SYT9: variants seen among roughly 807,000 people sequenced by gnomAD.
The protein encoded by SYT9 is synaptotagmin-9.
Under a neutral mutation model 48.4 loss-of-function variants are expected in SYT9, and 22 were observed. The ratio of observed to expected loss-of-function variants is 0.45; its 90% CI spans 0.32 to 0.65. The LOEUF (loss-of-function observed/expected upper bound fraction) is 0.65. Among genes scored for constraint, SYT9 ranks in the 30% least tolerant of loss-of-function variants. The probability of loss-of-function intolerance (pLI) is 0.03; values close to 1 mark genes in which losing one functional copy is unlikely to be tolerated. For synonymous variants in SYT9, 265 were observed against 245.0 expected (o/e 1.08, Z -0.76); for missense variants, 577 against 622.0 (o/e 0.93, Z 0.77).
At chr11:7,346,245 A>G (rs1849798176) in intron 3 of SYT9, among the ~76,000 whole-genome samples, 1 of 152,164 alleles carries the variant, frequency 6.6e-6, no homozygotes, top group Non-Finnish European at 1.5e-5. Flanking sequence ...TTGGGAAGGA[A>G]TTTTTCAAAA....
intron 1 of SYT9, among the ~76,000 whole-genome samples, chr11:7,273,525 T>C (rs1848333733): frequency 6.6e-6 from 1 of 151,966 alleles, no homozygotes; most frequent in Non-Finnish European, 1.5e-5. Flanking sequence ...TAGGAAAAAA[T>C]CAGGAGTGTT....
In SYT9 at chr11:7,416,168, G is replaced by C; in HGVS notation, c.1165+6G>C. The C allele has an allele frequency of 6.2e-7, 1 of 1,614,036 alleles. No individual in the cohort carries two copies. The highest frequency in any genetic ancestry group is 8.5e-7 in the Non-Finnish European group (1 of 1,179,940). ...GGACATAACAGGAGCATCAGGTGGG[G>C]CATTTTCAAATTCAGACTTCCTCAT... On this transcript the variant is annotated splice_donor_region_variant and intron_variant, in intron 4 of 6. Coordinates refer to ENST00000318881, the MANE Select transcript of SYT9 (RefSeq NM_175733.4).
In SYT9 at chr11:7,254,188, G is replaced by T. The variant is rs1402680544; in HGVS notation, c.145+1857G>T. 3.3e-5 allele frequency among the ~76,000 whole-genome samples: 5 copies of T among 152,130 alleles called. No homozygotes were observed. In the South Asian group the frequency reaches 1.0e-3, roughly 32 times the overall value. On this transcript the variant is annotated intron_variant, in intron 1 of 6. Coordinates refer to ENST00000318881, the MANE Select transcript of SYT9 (RefSeq NM_175733.4). ...GGAGGAATAGCTAGAGATAGGAGTC[G>T]ACCTTGCTGCTCTGAGTTCCTGATA...
intron 3 of SYT9, among the ~76,000 whole-genome samples, chr11:7,339,648 AT>A (rs534172245): frequency 4.0e-5 from 6 of 151,340 alleles, no homozygotes; most frequent in African/African-American, 7.3e-5. Flanking sequence ...CTGGTTGAAG[AT>A]TTTTTTTTCC....
rs1374741206 is a variant in SYT9 at position 7,252,415 on chromosome 11, C to A, written c.145+84C>A. On this transcript the variant is annotated intron_variant, in intron 1 of 6. Transcript: ENST00000318881. The surrounding 1 kb of genome is among the most constrained non-coding windows in gnomAD (Gnocchi z 6.3). ...CGCACCGGGGCCTGAGGCAGAACAG[C>A]GACGCGGACTGGGAGAGGGCGGGGG... 3.0e-6 allele frequency: 4 copies of A among 1,319,138 alleles called. No individual in the cohort carries two copies. Among genetic ancestry groups the A allele is most frequent in the Non-Finnish European group, 3.9e-6 (4 of 1,030,696 alleles). 81.7% of individuals were successfully genotyped at this position (1,319,138 alleles called of 1,614,324 possible).
intron 6 of SYT9, among the ~76,000 whole-genome samples, chr11:7,452,279 A>G (rs1007401790): frequency 2.6e-5 from 4 of 152,170 alleles, no homozygotes; most frequent in African/African-American, 9.7e-5. Flanking sequence ...ATTGGCCTCA[A>G]GTATTAGATA....
At chr11:7,431,512 T>C (rs56072522) in intron 6 of SYT9, among the ~76,000 whole-genome samples, 56,078 of 152,158 alleles carry the variant, frequency 0.37, 10,543 homozygotes, top group Middle Eastern at 0.47. Context: ...GCTAGAGATA[T>C]TGGCATAACT....
chr11:7,466,302 A>T (rs571667992), intron 6 of SYT9, among the ~76,000 whole-genome samples: 2 of 152,320 alleles, frequency 1.3e-5, no homozygotes, highest in East Asian at 3.9e-4. Flanking sequence ...GCAGTATTCT[A>T]TGCAGCTTCT....
chr11:7,414,137 C>T (rs559001471), intron 3 of SYT9, among the ~76,000 whole-genome samples: 4 of 152,196 alleles, frequency 2.6e-5, no homozygotes, highest in African/African-American at 4.8e-5. Flanking sequence ...AGAGATTAGA[C>T]GGCATGCATT....
intron 3 of SYT9, among the ~76,000 whole-genome samples, chr11:7,344,069 TG>T (rs940435907): frequency 6.6e-5 from 10 of 152,114 alleles, no homozygotes; most frequent in African/African-American, 2.4e-4. Context: ...GAGATTTGGG[TG>T]GGGCACAGCC....
chr11:7,389,699 C>G (rs1850726668), intron 3 of SYT9, among the ~76,000 whole-genome samples: 2 of 151,998 alleles, frequency 1.3e-5, no homozygotes, highest in South Asian at 4.2e-4. Flanking sequence ...AGAAAGTATT[C>G]TAATTAACAT....
At position 7,345,999 on chromosome 11, in the gene SYT9, C is replaced by G. The variant is rs573002897; in HGVS notation, c.1044+32058C>G. On this transcript the variant is annotated intron_variant, in intron 3 of 6. Transcript: ENST00000318881. ...GGAACCAAGAGTGGTCAGAGTCACT[C>G]TGACTGAGAGAGTGACAAAGCTACA... is the stretch of plus-strand genomic sequence containing the variant. 2.6e-5 allele frequency among the ~76,000 whole-genome samples: 4 copies of G among 152,306 alleles called. No homozygotes were observed. In the East Asian group the frequency reaches 7.7e-4, roughly 29 times the overall value.
chr11:7,332,952 A>T lies in SYT9; in HGVS notation c.1044+19011A>T, dbSNP rs1192283971. On this transcript the variant is annotated intron_variant, in intron 3 of 6. Transcript: ENST00000318881. ...GTCTTCTACCTATGGAAGTATTACT[A>T]TCCAAAATAGTGATCCAGTTTCCTG... Among the ~76,000 whole-genome samples, 3 of 152,234 alleles carry T rather than the reference A, an allele frequency of 2.0e-5. No homozygotes were observed. The East Asian group carries it at 5.8e-4, about 29-fold the overall frequency.
intron 3 of SYT9, among the ~76,000 whole-genome samples, chr11:7,373,111 T>C (rs1850392424): frequency 6.6e-6 from 1 of 152,132 alleles, no homozygotes; most frequent in Admixed American, 6.5e-5. Context: ...GTATTCTTAA[T>C]ACTGATAGAT....
chr11:7,278,116 ATCT>A (rs1327176108), intron 1 of SYT9, among the ~76,000 whole-genome samples: 1 of 152,136 alleles, frequency 6.6e-6, no homozygotes, highest in Non-Finnish European at 1.5e-5. Flanking sequence ...GAAATTTCTG[ATCT>A]TCTTCTACAT....
chr11:7,281,392 T>G (rs951525803), intron 1 of SYT9, among the ~76,000 whole-genome samples: 1 of 152,242 alleles, frequency 6.6e-6, no homozygotes, highest in African/African-American at 2.4e-5. Flanking sequence ...GGTACCCCTC[T>G]CATGTTGCAT....
intron 3 of SYT9, among the ~76,000 whole-genome samples, chr11:7,372,583 G>A (rs1355413655): frequency 6.6e-6 from 1 of 152,030 alleles, no homozygotes; most frequent in Non-Finnish European, 1.5e-5. Flanking sequence ...TGCCCAGACT[G>A]GTCTTGAATT....
intron 6 of SYT9, among the ~76,000 whole-genome samples, chr11:7,432,572 A>T (rs1590025137): frequency 3.9e-4 from 5 of 12,662 alleles, no homozygotes; most frequent in East Asian, 3.0e-3. Flanking sequence ...AAAAAAAAAA[A>T]AAAAAAAAAA....
intron 2 of SYT9, 27 bp downstream of exon 2, chr11:7,303,417 T>G: frequency 4.5e-6 from 7 of 1,559,876 alleles, no homozygotes; most frequent in Non-Finnish European, 6.1e-6. Context: ...CCTTTCTGAA[T>G]GCAAGGAAGG....
Sources: gnomAD v4.1 joint callset for allele counts (sites outside exome capture counted in the v4.1 genomes callset) on GRCh38, gnomAD v4.1.1 for gene constraint, Gnocchi (gnomAD v3.1) non-coding constraint, MANE v1.5 for transcripts, NCBI Gene and HGNC (gene_info 2026-07-23, HGNC 2026-07-21) for gene names.